The following ANXA11 variants were observed in gnomAD, a reference collection of about 807,000 sequenced individuals.
The protein encoded by ANXA11 is 56 kDa autoantigen.
In ANXA11, 57 loss-of-function variants were observed where a neutral mutation model predicts 64.7. The ratio of observed to expected loss-of-function variants is 0.88; its 90% CI spans 0.71 to 1.10. ANXA11 has a LOEUF of 1.10. Ranked by LOEUF, ANXA11 falls within the 50% of genes least tolerant of loss-of-function variation. The pLI, the probability that ANXA11 is intolerant of heterozygous loss-of-function variation, is 0.00. For missense variants in ANXA11, 675 were observed against 670.7 expected (o/e 1.01, Z -0.07); for synonymous variants, 260 against 265.2 (o/e 0.98, Z 0.19).
At chr10:80,162,857 C>T (rs563745256) in intron 11 of ANXA11, among the ~76,000 whole-genome samples, 20 of 152,258 alleles carry the variant, frequency 1.3e-4, no homozygotes, top group African/African-American at 4.1e-4. Context: ...CCAAACTTTT[C>T]GAGAGAGTAG....
chr10:80,168,920 C>G, intron 5 of ANXA11, 49 bp downstream of exon 5: 1 of 1,459,688 alleles, frequency 6.9e-7, no homozygotes, highest in Non-Finnish European at 9.0e-7. Context: ...GTGTCTCCAG[C>G]CTTTGGGGCC....
chr10:80,169,481 C>A, intron 4 of ANXA11, 123 bp from the exon 5 acceptor site: 4 of 1,144,102 alleles, frequency 3.5e-6, no homozygotes, highest in Non-Finnish European at 3.8e-6. Context: ...TATGAAGTAC[C>A]GTTATACCCA....
In ANXA11 at chr10:80,152,594, A is replaced by C. The variant is rs766492144; in HGVS notation, c.*3259T>G. On this transcript the variant is annotated 3_prime_UTR_variant, in exon 16 of 16. Coordinates refer to ENST00000422982, the MANE Select transcript of ANXA11 (RefSeq NM_145868.2). ...GGTGGATGGGCGATAGCTGAAAGAAAACCTGGCGGGCCATAGGCAGGTAAA... is the reference window on the plus strand; with the variant it reads ...GGTGGATGGGCGATAGCTGAAAGAACACCTGGCGGGCCATAGGCAGGTAAA... 4.6e-5 allele frequency: 7 copies of C among 152,484 alleles called. No homozygotes were observed. Among genetic ancestry groups the C allele is most frequent in the Admixed American group, 2.6e-4 (4 of 15,296 alleles). The allele number at this position is 152,484 out of a possible 1,614,324, so 9.4% of individuals were successfully genotyped here.
intron 1 of ANXA11, among the ~76,000 whole-genome samples, chr10:80,176,977 C>T (rs1328239767): frequency 7.1e-6 from 1 of 140,370 alleles, no homozygotes; most frequent in Non-Finnish European, 1.5e-5. Context: ...AAGCCTGCTC[C>T]CCACTTTTTT....
intron 2 of ANXA11, 96 bp from the exon 3 acceptor site, chr10:80,172,965 T>C (rs1225031448): frequency 1.9e-6 from 2 of 1,049,860 alleles, no homozygotes; most frequent in Admixed American, 1.9e-5. Flanking sequence ...CCACCACAAC[T>C]GGGACCCTGC....
In ANXA11 at chr10:80,167,330, T is replaced by C. The variant is rs1183609115; in HGVS notation, c.562-17A>G. ...GCTTCCAAACTACTCGGACAAACAG[T>C]CTCAGGTAAGATGTCGTGCATGCCG... On this transcript the variant is annotated splice_polypyrimidine_tract_variant and intron_variant, in intron 5 of 15. Transcript: ENST00000422982. The C allele has an allele frequency of 3.1e-6, 5 of 1,612,840 alleles. No homozygotes were observed. The highest frequency in any genetic ancestry group is 1.1e-5 in the South Asian group (1 of 91,044).
intron 1 of ANXA11, among the ~76,000 whole-genome samples, chr10:80,204,578 A>G (rs1840590972): frequency 6.6e-6 from 1 of 152,240 alleles, no homozygotes; most frequent in Admixed American, 6.5e-5. Context: ...GACTGTTTCC[A>G]GCTTGGGCTA....
At chr10:80,182,457 T>C (rs1846389716) in intron 1 of ANXA11, among the ~76,000 whole-genome samples, 1 of 152,150 alleles carries the variant, frequency 6.6e-6, no homozygotes, top group Non-Finnish European at 1.5e-5. Context: ...CAGAAATGTA[T>C]AATACATGTA....
chr10:80,175,610 A>C (rs1846141694), intron 2 of ANXA11, among the ~76,000 whole-genome samples: 1 of 152,198 alleles, frequency 6.6e-6, no homozygotes, highest in African/African-American at 2.4e-5. Flanking sequence ...GATGAGAAAA[A>C]AACTTAGGAA....
In ANXA11 at chr10:80,157,746, G is replaced by C. The variant is rs867842506; in HGVS notation, c.1353C>G (p.Asp451Glu). The C allele has an allele frequency of 6.2e-7, 1 of 1,613,752 alleles. No homozygotes were observed. Among genetic ancestry groups the C allele is most frequent in the Non-Finnish European group, 8.5e-7 (1 of 1,179,820 alleles). The stretch of plus-strand genomic sequence containing the variant: ...ACACCATGATGCGAATCAGGGTCCG[G>C]TCCTTTGTTCCTGCCCCCTAAAGAG... The part of the protein sequence containing the change: ...NKAMRGAGTK[D>E]RTLIRIMVSR... The change falls in exon 15 of 16, where the codon GAC becomes GAG. Residue 451 changes from aspartate to glutamate, a missense_variant. Transcript: ENST00000422982.
rs904026018 is a variant in ANXA11, at chr10:80,152,348, T to C, written c.*3505A>G. The stretch of plus-strand genomic sequence containing the variant: ...ACCTCCCACTGACCTTGGAAGGCAG[T>C]AGGTGCCTTTGCCTCTGGGAAGATC... On this transcript the variant is annotated 3_prime_UTR_variant, in exon 16 of 16. Coordinates refer to ENST00000422982, the MANE Select transcript of ANXA11 (RefSeq NM_145868.2). The C allele has an allele frequency of 2.6e-5, 4 of 152,234 alleles. No individual in the cohort carries two copies. The highest frequency in any genetic ancestry group is 7.2e-5 in the African/African-American group (3 of 41,446). The allele number at this position is 152,234 out of a possible 1,614,324, so 9.4% of individuals were successfully genotyped here.
At chr10:80,157,591 G>A (rs1359154370) in intron 15 of ANXA11, 50 bp downstream of exon 15, 2 of 1,591,930 alleles carry the variant, frequency 1.3e-6, no homozygotes, top group Non-Finnish European at 8.6e-7. Flanking sequence ...GGTTCCACAG[G>A]TGACTGAGAT....
At position 80,171,702 on chromosome 10, in the gene ANXA11, G is replaced by A. The variant is rs375292307; in HGVS notation, c.56-787C>T. The A allele has an allele frequency of 2.7e-4, 266 of 985,478 alleles. 1 individual carries two copies. In the African/African-American group the frequency reaches 4.2e-3, roughly 16 times the overall value. 61.0% of individuals were successfully genotyped at this position (985,478 alleles called of 1,614,324 possible). On this transcript the variant is annotated intron_variant, in intron 3 of 15. Transcript: ENST00000422982. ...ATGCTTTCCTCTACATGGCAGCTTC[G>A]GATCGGCTCTTCATCTCCAGGGCTC...
Position 80,162,013 on chromosome 10 carries a change from C to A in ANXA11, c.1102G>T (p.Gly368Trp), listed in dbSNP as rs772333853. Residue 368 changes from glycine to tryptophan, a missense_variant, in exon 12 of 16, where the codon GGG (glycine) becomes TGG (tryptophan). By Grantham distance (184) the Gly-to-Trp change is radical (BLOSUM62 -2). Coordinates refer to ENST00000422982, the MANE Select transcript of ANXA11 (RefSeq NM_145868.2). Reference sequence around the variant, plus strand: ...TCGTCTGTTCCCAGGCGGTTCTCCCCGGCCGCATACAGCTCCTGGAGAGAG... The same window carrying A: ...TCGTCTGTTCCCAGGCGGTTCTCCCAGGCCGCATACAGCTCCTGGAGAGAG... ...QRDAQELYAA[G>W]ENRLGTDESK... The A allele has an allele frequency of 6.2e-7, 1 of 1,611,268 alleles. No homozygotes were observed. The highest frequency in any genetic ancestry group is 8.5e-7 in the Non-Finnish European group (1 of 1,179,646).
At chr10:80,190,632 C>G (rs1229410939) in intron 1 of ANXA11, among the ~76,000 whole-genome samples, 1 of 151,332 alleles carries the variant, frequency 6.6e-6, no homozygotes, top group Non-Finnish European at 1.5e-5. Context: ...ATCACAGGCG[C>G]CCGCCACCGC....
At chr10:80,202,338 T>A (rs1840468990) in intron 1 of ANXA11, among the ~76,000 whole-genome samples, 1 of 152,050 alleles carries the variant, frequency 6.6e-6, no homozygotes, top group African/African-American at 2.4e-5. Flanking sequence ...GTGGTTTGGG[T>A]CACTGTTCAG....
intron 1 of ANXA11, among the ~76,000 whole-genome samples, chr10:80,202,342 T>C (rs1370512997): frequency 6.6e-6 from 1 of 152,176 alleles, no homozygotes; most frequent in South Asian, 2.1e-4. Flanking sequence ...TTTGGGTCAC[T>C]GTTCAGGCTG....
At chr10:80,201,037 TCAAA>T (rs967356591) in intron 1 of ANXA11, among the ~76,000 whole-genome samples, 9 of 152,028 alleles carry the variant, frequency 5.9e-5, no homozygotes, top group African/African-American at 2.2e-4. Flanking sequence ...GGCAACAGAA[TCAAA>T]CACTCCCTCA....
At position 80,178,377 on chromosome 10, in the gene ANXA11, C is replaced by T. The variant is rs143329829; in HGVS notation, c.-57-2222G>A. Reference sequence around the variant, plus strand: ...CCCGCTCTACGCCTGCTTCTAATCACGGCCCTCTGACATGGGGACTCACTG... The same window carrying T: ...CCCGCTCTACGCCTGCTTCTAATCATGGCCCTCTGACATGGGGACTCACTG... On this transcript the variant is annotated intron_variant, in intron 1 of 15. Transcript: ENST00000422982. 6.8e-3 allele frequency among the ~76,000 whole-genome samples: 1,030 copies of T among 152,336 alleles called. 14 individuals carry two copies. The highest frequency in any genetic ancestry group is 0.023 in the African/African-American group (973 of 41,570).
Sources: allele counts gnomAD v4.1 joint callset (sites outside exome capture counted in the v4.1 genomes callset), GRCh38; gene constraint gnomAD v4.1.1; transcripts MANE v1.5; gene names NCBI Gene and HGNC (gene_info 2026-07-23, HGNC 2026-07-21).